Variants in PAK3 observed in about 807,000 individuals in gnomAD.
PAK3 encodes the protein p21 (RAC1) activated kinase 3, also known as serine/threonine-protein kinase PAK 3.
A neutral mutation model predicts 41.0 loss-of-function variants in PAK3; 4 were observed. That is an observed-to-expected ratio of 0.10 (90% confidence interval 0.05 to 0.22). The LOEUF (loss-of-function observed/expected upper bound fraction) is 0.22, where lower values mean the gene tolerates loss of function less well. PAK3 is among the 10% of genes least tolerant of loss of function. The pLI is 1.00. For missense variants in PAK3, 205 were observed against 409.9 expected (o/e 0.50, Z 4.32); for synonymous variants, 146 against 139.6 (o/e 1.05, Z -0.32).
At chrX:111,015,293 G>A (rs2092072044) in intron 1 of PAK3, among the ~76,000 whole-genome samples, 1 of 110,470 alleles carries the variant, frequency 9.1e-6, no homozygotes, top group Non-Finnish European at 1.9e-5. Flanking sequence ...CCTTTTCTAT[G>A]ACTGAATAAT....
chrX:110,986,514 A>G (rs940837303), intron 1 of PAK3, among the ~76,000 whole-genome samples: 16 of 112,155 alleles, frequency 1.4e-4, no homozygotes, highest in African/African-American at 3.2e-4. Flanking sequence ...TCACCTTATG[A>G]TTCCCTTTAA....
chrX:110,982,225 G>C lies in PAK3; in HGVS notation c.-28+37597G>C, dbSNP rs749248040. Among the ~76,000 whole-genome samples the C allele has an allele frequency of 1.1e-4, 12 of 111,632 alleles. No individual in the cohort carries two copies. The South Asian group carries it at 4.6e-3, about 42-fold the overall frequency. On this transcript the variant is annotated intron_variant, in intron 1 of 14. Coordinates refer to the PAK3 transcript ENST00000425146. The stretch of plus-strand genomic sequence containing the variant: ...TCCCTGTTGTAAAGGGAAGAAAGAG[G>C]CTGAAAATAGAACGATATATTTGAG...
At chrX:111,216,895 G>C in intron 17 of PAK3, 2 of 746,359 alleles carry the variant, frequency 2.7e-6, no homozygotes, top group Non-Finnish European at 3.2e-6. Flanking sequence ...GGTGCTCTTG[G>C]CCGGAGGTAA....
intron 1 of PAK3, among the ~76,000 whole-genome samples, chrX:110,970,778 TG>T (rs763121375): frequency 1.1e-3 from 120 of 112,383 alleles, no homozygotes; most frequent in African/African-American, 3.7e-3. Flanking sequence ...TAAGTACAAT[TG>T]GTTTTTGTAT....
intron 1 of PAK3, among the ~76,000 whole-genome samples, chrX:110,964,382 A>G (rs1410066636): frequency 8.9e-6 from 1 of 112,545 alleles, no homozygotes; most frequent in Non-Finnish European, 1.9e-5. Flanking sequence ...CTGACTCCAT[A>G]GGTCTGGGGT....
intron 5 of PAK3, among the ~76,000 whole-genome samples, chrX:111,128,778 A>G (rs1341558694): frequency 8.9e-6 from 1 of 112,289 alleles, no homozygotes; most frequent in Non-Finnish European, 1.9e-5. Context: ...TGCCACTCAT[A>G]AGGAAAGAAA....
intron 1 of PAK3, among the ~76,000 whole-genome samples, chrX:111,024,737 C>A (rs1362125106): frequency 9.0e-6 from 1 of 110,875 alleles, no homozygotes; most frequent in African/African-American, 3.3e-5. Flanking sequence ...CTAGATAGGT[C>A]ATCAAAACAG....
In PAK3 at chrX:111,224,895, C is replaced by A. The variant is rs765040660; in HGVS notation, c.*4448C>A. On this transcript the variant is annotated 3_prime_UTR_variant, in exon 18 of 18. Transcript: ENST00000372007. ...AATACTTAGGGGAGTCTTAACCCTG[C>A]CATCCCCGGTTGAATCTCTTGGTCT... 2 of 112,270 alleles carry A rather than the reference C, an allele frequency of 1.8e-5. No homozygotes were observed. Among genetic ancestry groups the A allele is most frequent in the Non-Finnish European group, 3.8e-5 (2 of 53,300 alleles). 9.3% of individuals were successfully genotyped at this position (112,270 alleles called of 1,213,427 possible). A position where few individuals can be genotyped will look rare whatever the true frequency, so the allele number is the denominator to read the frequency against.
intron 8 of PAK3, among the ~76,000 whole-genome samples, chrX:111,160,978 C>T (rs1337997986): frequency 8.9e-6 from 1 of 112,058 alleles, no homozygotes; most frequent in Non-Finnish European, 1.9e-5. Flanking sequence ...TGGGTATATA[C>T]CCAGTAATGG....
intron 1 of PAK3, among the ~76,000 whole-genome samples, chrX:111,022,356 G>A (rs753814764): frequency 6.3e-5 from 7 of 111,759 alleles, no homozygotes; most frequent in African/African-American, 1.9e-4. Flanking sequence ...AAGCTAGAAG[G>A]GTTTGGCGAC....
At chrX:110,980,256 C>T (rs1415760612) in intron 1 of PAK3, among the ~76,000 whole-genome samples, 1 of 112,008 alleles carries the variant, frequency 8.9e-6, no homozygotes, top group East Asian at 2.8e-4. Context: ...GGAGTAATTT[C>T]TCATCATGTT....
Position 111,220,474 on chromosome X carries a change from T to A in PAK3, c.*27T>A. ...ACTGCAAGCCTTACACCTCACCATC[T>A]CCCTCATGAGTAAGACTGAAATAAA... On this transcript the variant is annotated 3_prime_UTR_variant, in exon 18 of 18. Coordinates refer to ENST00000372007, the MANE Select transcript of PAK3 (RefSeq NM_002578.5). 1 of 955,600 alleles carries A rather than the reference T, an allele frequency of 1.0e-6. No homozygotes were observed. Among genetic ancestry groups the A allele is most frequent in the East Asian group, 3.1e-5 (1 of 32,519 alleles). 78.8% of individuals were successfully genotyped at this position (955,600 alleles called of 1,213,427 possible).
At chrX:111,002,763 T>C (rs2091868376) in intron 1 of PAK3, among the ~76,000 whole-genome samples, 1 of 111,584 alleles carries the variant, frequency 9.0e-6, no homozygotes, top group African/African-American at 3.3e-5. Flanking sequence ...GCAGCTGCAG[T>C]AGAACTCTGG....
chrX:111,093,084 A>T (rs2092942264), upstream of PAK3, among the ~76,000 whole-genome samples: 1 of 111,715 alleles, frequency 9.0e-6, no homozygotes, highest in African/African-American at 3.3e-5. Flanking sequence ...AGCGCTTCTC[A>T]CTTCTCATGT....
intron 1 of PAK3, among the ~76,000 whole-genome samples, chrX:110,969,938 T>C (rs2091170991): frequency 8.9e-6 from 1 of 112,207 alleles, no homozygotes; most frequent in African/African-American, 3.2e-5. Context: ...ACTTTTACTA[T>C]ATTGAGTTTT....
At chrX:111,127,832 T>G (rs2093668986) in intron 5 of PAK3, among the ~76,000 whole-genome samples, 1 of 112,252 alleles carries the variant, frequency 8.9e-6, no homozygotes, top group Non-Finnish European at 1.9e-5. Flanking sequence ...TTCCTTTTAC[T>G]TTCTTATCTA....
chrX:111,002,165 G>A (rs1008440653), intron 1 of PAK3, among the ~76,000 whole-genome samples: 10 of 111,716 alleles, frequency 9.0e-5, no homozygotes, highest in African/African-American at 3.3e-4. Flanking sequence ...CACTTACTAT[G>A]TGCCAGGCAC....
intron 16 of PAK3, among the ~76,000 whole-genome samples, chrX:111,203,539 A>T (rs1189953775): frequency 1.8e-5 from 2 of 111,462 alleles, no homozygotes; most frequent in Non-Finnish European, 3.8e-5. Flanking sequence ...AGGAGGACAG[A>T]AATCTAAAAT....
At chrX:111,026,463 G>A (rs748782751) in intron 1 of PAK3, among the ~76,000 whole-genome samples, 5 of 111,684 alleles carry the variant, frequency 4.5e-5, no homozygotes, top group African/African-American at 1.3e-4. Flanking sequence ...AAAGTTTTAG[G>A]ATACAAAATT....
Sources: gnomAD v4.1 joint callset for allele counts (sites outside exome capture counted in the v4.1 genomes callset) on GRCh38, gnomAD v4.1.1 for gene constraint, MANE v1.5 for transcripts, NCBI Gene and HGNC (gene_info 2026-07-23, HGNC 2026-07-21) for gene names.